The following GPC5 variants were observed in gnomAD, a reference collection of about 807,000 sequenced individuals.
GPC5 encodes the protein glypican-5.
Under a neutral mutation model 53.9 loss-of-function variants are expected in GPC5, and 47 were observed. That is an observed-to-expected ratio of 0.87 (90% confidence interval 0.69 to 1.11). The LOEUF (loss-of-function observed/expected upper bound fraction) is 1.11. GPC5 is among the 50% of genes most tolerant of loss of function. The probability of loss-of-function intolerance (pLI) is 0.00; values close to 1 mark genes in which losing one functional copy is unlikely to be tolerated. For synonymous variants in GPC5, 286 were observed against 263.3 expected, an observed-to-expected ratio of 1.09 and a Z score of -0.84; for missense variants, 748 against 713.1, an observed-to-expected ratio of 1.05 and a Z score of -0.56.
chr13:92,189,825 G>T (rs932273987), intron 7 of GPC5, among the ~76,000 whole-genome samples: 69 of 152,266 alleles, frequency 4.5e-4, no homozygotes, highest in African/African-American at 1.6e-3. Context: ...TTTTCAATGG[G>T]CTCATTAGTA....
intron 6 of GPC5, among the ~76,000 whole-genome samples, chr13:92,123,822 A>G (rs963820816): frequency 6.6e-6 from 1 of 152,216 alleles, no homozygotes; most frequent in African/African-American, 2.4e-5. Flanking sequence ...AAATTAATTC[A>G]AAGCATACAT....
chr13:92,740,954 G>A (rs9516128), intron 7 of GPC5, among the ~76,000 whole-genome samples: 7 of 90,130 alleles, frequency 7.8e-5, no homozygotes, highest in African/African-American at 1.2e-4. Context: ...GTATATATAT[G>A]TATGTGTATA....
intron 6 of GPC5, among the ~76,000 whole-genome samples, chr13:91,935,855 G>A (rs986954035): frequency 1.3e-5 from 2 of 151,932 alleles, no homozygotes; most frequent in Admixed American, 6.6e-5. Flanking sequence ...ATCACCAGAG[G>A]AAATAGATCT....
chr13:91,636,377 T>A (rs1453988819), intron 2 of GPC5, among the ~76,000 whole-genome samples: 2 of 150,114 alleles, frequency 1.3e-5, no homozygotes, highest in African/African-American at 2.5e-5. Flanking sequence ...ACACATTATA[T>A]AAATATATTT....
At chr13:92,612,555 T>C (rs992891934) in intron 7 of GPC5, among the ~76,000 whole-genome samples, 6 of 152,110 alleles carry the variant, frequency 3.9e-5, no homozygotes, top group Non-Finnish European at 7.4e-5. Context: ...TACCATCACA[T>C]TTCCACAGTT....
chr13:92,838,734 T>C (rs1443830887), intron 7 of GPC5, among the ~76,000 whole-genome samples: 4 of 152,044 alleles, frequency 2.6e-5, no homozygotes, highest in Non-Finnish European at 5.9e-5. Context: ...TGTAGAAATA[T>C]ATAAAAAGAT....
Position 92,494,924 on chromosome 13 carries a change from A to G in GPC5, c.1561+349935A>G, listed in dbSNP as rs568706137. Among the ~76,000 whole-genome samples the G allele has an allele frequency of 7.2e-5, 11 of 152,298 alleles. No homozygotes were observed. In the South Asian group the frequency reaches 2.1e-3, roughly 29 times the overall value. ...TTAAACATTATTATTCTTGTATTATACAGTTTATTTTTTAAAAATTTTTTT... is the reference window on the plus strand; with the variant it reads ...TTAAACATTATTATTCTTGTATTATGCAGTTTATTTTTTAAAAATTTTTTT... On this transcript the variant is annotated intron_variant, in intron 7 of 7. Transcript: ENST00000377067.
At chr13:92,136,518 C>G (rs2041785872) in intron 6 of GPC5, among the ~76,000 whole-genome samples, 1 of 152,136 alleles carries the variant, frequency 6.6e-6, no homozygotes, top group African/African-American at 2.4e-5. Context: ...TAAAAGTGTA[C>G]AAGTGCATAT....
chr13:92,615,641 A>C (rs1884656840), intron 7 of GPC5, among the ~76,000 whole-genome samples: 1 of 152,230 alleles, frequency 6.6e-6, no homozygotes, highest in Non-Finnish European at 1.5e-5. Context: ...CAGCAAATCC[A>C]GTAAAATAGA....
intron 1 of GPC5, among the ~76,000 whole-genome samples, chr13:91,439,097 C>T (rs552656359): frequency 6.6e-6 from 1 of 152,206 alleles, no homozygotes; most frequent in African/African-American, 2.4e-5. Context: ...AGAGCCTTCC[C>T]AGGCTCTTTT....
intron 2 of GPC5, among the ~76,000 whole-genome samples, chr13:91,655,439 G>C (rs1025651944): frequency 6.6e-6 from 1 of 151,948 alleles, no homozygotes; most frequent in Non-Finnish European, 1.5e-5. Context: ...ATATATGGTT[G>C]AAAGGGATTT....
chr13:92,577,076 A>G (rs753813847), intron 7 of GPC5, among the ~76,000 whole-genome samples: 1 of 152,150 alleles, frequency 6.6e-6, no homozygotes, highest in East Asian at 1.9e-4. Flanking sequence ...TTTATCTGCA[A>G]TATTAAAAGC....
intron 7 of GPC5, among the ~76,000 whole-genome samples, chr13:92,247,364 T>C (rs2042660463): frequency 1.3e-5 from 2 of 152,128 alleles, no homozygotes; most frequent in African/African-American, 4.8e-5. Flanking sequence ...TTAACTGTCT[T>C]ATCTAAGACT....
At chr13:92,453,523 G>A (rs1024550982) in intron 7 of GPC5, among the ~76,000 whole-genome samples, 2 of 152,252 alleles carry the variant, frequency 1.3e-5, no homozygotes, top group South Asian at 2.1e-4. Context: ...CAGAGAGAAA[G>A]TGAAACCATA....
chr13:92,229,492 A>G lies in GPC5; in HGVS notation c.1561+84503A>G, dbSNP rs187476225. Among the ~76,000 whole-genome samples the G allele has an allele frequency of 4.6e-5, 7 of 152,228 alleles. No homozygotes were observed. The East Asian group carries it at 1.2e-3, about 25-fold the overall frequency. On this transcript the variant is annotated intron_variant, in intron 7 of 7. Transcript: ENST00000377067. ...ATAAAATCTTGATTGTAAATAAAGC[A>G]TATATTTTTAGGTTGAGCTTCTGAG... is the stretch of plus-strand genomic sequence containing the variant.
At chr13:91,439,543 A>G (rs557204922) in intron 1 of GPC5, among the ~76,000 whole-genome samples, 1 of 152,272 alleles carries the variant, frequency 6.6e-6, no homozygotes, top group African/African-American at 2.4e-5. Context: ...TTATTTTTGT[A>G]TCTTTAACTG....
intron 7 of GPC5, among the ~76,000 whole-genome samples, chr13:92,481,779 G>A (rs1879365644): frequency 6.6e-6 from 1 of 152,040 alleles, no homozygotes; most frequent in Non-Finnish European, 1.5e-5. Flanking sequence ...AGAAGAAGGG[G>A]GTTGAAGACA....
chr13:91,934,501 A>G (rs1468961343), intron 6 of GPC5, among the ~76,000 whole-genome samples: 2 of 151,918 alleles, frequency 1.3e-5, no homozygotes, highest in African/African-American at 2.4e-5. Flanking sequence ...TCTGACGGTC[A>G]CTGAAAATAG....
chr13:92,827,622 G>T (rs531201851), intron 7 of GPC5, among the ~76,000 whole-genome samples: 2 of 152,190 alleles, frequency 1.3e-5, no homozygotes, highest in African/African-American at 4.8e-5. Context: ...GCATGTACAC[G>T]CATGCCAACC....
Sources: gnomAD v4.1 joint callset for allele counts (sites outside exome capture counted in the v4.1 genomes callset) on GRCh38, gnomAD v4.1.1 for gene constraint, MANE v1.5 for transcripts, NCBI Gene and HGNC (gene_info 2026-07-23, HGNC 2026-07-21) for gene names.